Variants in YDJC observed in about 807,000 individuals in gnomAD.
The protein encoded by YDJC is YdjC chitooligosaccharide deacetylase homolog, also known as carbohydrate deacetylase.
YDJC carries 23 observed loss-of-function variants against 18.9 expected under a neutral mutation model. That is an observed-to-expected ratio of 1.22 (90% CI 0.87 to 1.72). The LOEUF (loss-of-function observed/expected upper bound fraction) is 1.72. Ranked by LOEUF, YDJC falls within the 40% of genes most tolerant of loss-of-function variation. The pLI, the probability that YDJC is intolerant of heterozygous loss-of-function variation, is 0.00. For missense variants in YDJC, 467 were observed against 470.8 expected (o/e 0.99, Z 0.07); for synonymous variants, 224 against 217.6 (o/e 1.03, Z -0.26).
chr22:21,628,717 G>A lies in YDJC; in HGVS notation c.673C>T (p.Leu225=), dbSNP rs1165048909. 4 of 1,535,442 alleles carry A rather than the reference G, an allele frequency of 2.6e-6. No individual in the cohort carries two copies. The highest frequency in any genetic ancestry group is 3.5e-6 in the Non-Finnish European group (4 of 1,142,258). The change falls in exon 5 of 5, where the codon CTG becomes TTG. Residue 225 remains leucine, a synonymous_variant. Transcript: ENST00000292778. ...HMSAHRVSGA[L]ARVLEGTLAG... ...AGGGTACCTTCCAGGACCCGCGCCA[G>A]GGCCCCGGACACGCGGTGAGCGGAC...
Position 21,628,572 on chromosome 22 carries a change from T to C in YDJC, c.818A>G (p.Glu273Gly), listed in dbSNP as rs1268921821. The C allele has an allele frequency of 6.2e-7, 1 of 1,609,160 alleles. No homozygotes were observed. Among genetic ancestry groups the C allele is most frequent in the East Asian group, 2.2e-5 (1 of 44,770 alleles). ...CGTGGGCGCGGTGAGGACGCGCAGC[T>C]CATGCAGCCGCTCCCAAGAGCAAGA... ...AFSCSWERLH[E>G]LRVLTAPTLR... Residue 273 changes from glutamate (E) to glycine (G), a missense_variant, in exon 5 of 5, where the codon GAG (glutamate) becomes GGG (glycine). Coordinates refer to ENST00000292778, the MANE Select transcript of YDJC (RefSeq NM_001017964.2).
In YDJC at chr22:21,630,019, G is replaced by A. The variant is rs772585123; in HGVS notation, c.-5C>T. ...GCGCATGCGAGGGCGGGACATGGCC[G>A]CCTGGGTCCACCGCTCGCGCTCCCA... On this transcript the variant is annotated 5_prime_UTR_variant, in exon 1 of 5. Coordinates refer to ENST00000292778, the MANE Select transcript of YDJC (RefSeq NM_001017964.2). 2 of 1,590,028 alleles carry A rather than the reference G, an allele frequency of 1.3e-6. No homozygotes were observed. The highest frequency in any genetic ancestry group is 2.3e-5 in the East Asian group (1 of 43,068).
chr22:21,629,287 C>T, intron 3 of YDJC, 21 bp downstream of exon 3: 2 of 1,550,522 alleles, frequency 1.3e-6, no homozygotes, highest in Middle Eastern at 1.7e-4. Context: ...GCCCTCCAAA[C>T]TGGGATCACT....
chr22:21,629,239 G>T (rs1662103856), intron 3 of YDJC, 52 bp from the exon 4 acceptor site: 1 of 1,549,416 alleles, frequency 6.5e-7, no homozygotes, highest in Non-Finnish European at 8.7e-7. Flanking sequence ...TGGGGGCATC[G>T]AACTTCCCCT....
rs1930327674 is a variant in YDJC, at chr22:21,628,496, G to A, written c.894C>T (p.Asp298=). ...QDGVQLCALD[D]LDSKRPGEEV... ...CCTCCCCTGGCCTCTTGGAGTCCAGGTCGTCGAGGGCGCAAAGCTGCACGC... is the reference window on the plus strand; with the variant it reads ...CCTCCCCTGGCCTCTTGGAGTCCAGATCGTCGAGGGCGCAAAGCTGCACGC... Residue 298 remains aspartate, a synonymous_variant, in exon 5 of 5, where the codon GAC becomes GAT. Coordinates refer to ENST00000292778, the MANE Select transcript of YDJC (RefSeq NM_001017964.2). The A allele has an allele frequency of 6.2e-7, 1 of 1,611,168 alleles. No homozygotes were observed. Among genetic ancestry groups the A allele is most frequent in the Non-Finnish European group, 8.5e-7 (1 of 1,178,164 alleles).
intron 4 of YDJC, 54 bp from the exon 5 acceptor site, chr22:21,628,841 T>C: frequency 7.0e-7 from 1 of 1,423,746 alleles, no homozygotes; most frequent in Non-Finnish European, 9.2e-7. Context: ...GGCCAAGGGC[T>C]AGGTAGGCTA....
chr22:21,629,551 C>A (rs1165134941), intron 2 of YDJC, 51 bp downstream of exon 2: 5 of 1,610,790 alleles, frequency 3.1e-6, no homozygotes, highest in South Asian at 1.1e-5. Flanking sequence ...ACCCTCCGGG[C>A]GGAGCTCTGG....
Position 21,629,182 on chromosome 22 carries a change from A to G in YDJC, c.430T>C (p.Cys144Arg). Residue 144 changes from cysteine (C) to arginine (R), a missense_variant, in exon 4 of 5, where the codon TGC becomes CGC. Cys to Arg is a radical substitution (Grantham distance 180, BLOSUM62 -3). Transcript: ENST00000292778. ...TGCAGCGCCTCGGCGAACACCTGGC[A>G]CACGCCTGCGGGCGGAGCGGGTCAG... is the stretch of plus-strand genomic sequence containing the variant. ...HQHVHVLPGV[C>R]QVFAEALQAY... 6.5e-7 allele frequency: 1 copy of G among 1,543,452 alleles called. No homozygotes were observed. The highest frequency in any genetic ancestry group is 8.7e-7 in the Non-Finnish European group (1 of 1,145,936).
In YDJC at chr22:21,628,259, A is replaced by G; in HGVS notation, c.*159T>C. The G allele has an allele frequency of 9.6e-7, 1 of 1,039,982 alleles. No individual in the cohort carries two copies. The highest frequency in any genetic ancestry group is 2.6e-5 in the South Asian group (1 of 38,110). 64.4% of individuals were successfully genotyped at this position (1,039,982 alleles called of 1,614,324 possible). The stretch of plus-strand genomic sequence containing the variant: ...GAAGGCTGCTCAAACTCTAGATGCC[A>G]TTTGGAGGCATGAGGACCTGAGCCC... On this transcript the variant is annotated 3_prime_UTR_variant, in exon 5 of 5. Coordinates refer to ENST00000292778, the MANE Select transcript of YDJC (RefSeq NM_001017964.2).
chr22:21,628,437 A>T lies in YDJC; in HGVS notation c.953T>A (p.Leu318Gln), dbSNP rs143193655. Residue 318 changes from leucine to glutamine, a missense_variant, in exon 5 of 5, where the codon CTG (leucine) becomes CAG (glutamine). Transcript: ENST00000292778. ...AGGGGGTCAGAGTAGGGAGGGTTCC[A>T]GGAAGGGTTCCAGAGTGGGCTCACA... ...VPCEPTLEPF[L>Q]EPSLL 149 of 1,561,286 alleles carry T rather than the reference A, an allele frequency of 9.5e-5. No homozygotes were observed. Among genetic ancestry groups the T allele is most frequent in the Admixed American group, 7.2e-4 (39 of 54,070 alleles).
Position 21,629,024 on chromosome 22 carries a change from G to A in YDJC, c.588C>T (p.Ser196=), listed in dbSNP as rs185159600. ...GGGAGCCTCACCGCAGGCCGTGGCG[G>A]GAGAAGGGGCCCACGGCGGCCCGGG... ...RDARAAVGPF[S]RHGLRWTDAF... Residue 196 remains serine (S), a synonymous_variant, in exon 4 of 5, where the codon TCC becomes TCT. Coordinates refer to ENST00000292778, the MANE Select transcript of YDJC (RefSeq NM_001017964.2). 1.8e-4 allele frequency: 262 copies of A among 1,478,042 alleles called. 2 individuals are homozygous for A. The East Asian group carries it at 4.2e-3, about 23-fold the overall frequency. The allele number at this position is 1,478,042 out of a possible 1,614,324, so 91.6% of individuals were successfully genotyped here.
In YDJC at chr22:21,629,320, G is replaced by C; in HGVS notation, c.412C>G (p.His138Asp). Residue 138 changes from histidine (H) to aspartate (D), a missense_variant, in exon 3 of 5, where the codon CAC (histidine) becomes GAC (aspartate). His to Asp is a moderately conservative substitution (Grantham distance 81). Coordinates refer to ENST00000292778, the MANE Select transcript of YDJC (RefSeq NM_001017964.2). Reference sequence around the variant, plus strand: ...ACTAACCACGCACCTGGGAGCACGTGCACGTGCTGGTGCCCGTCCGCGTGC... The same window carrying C: ...ACTAACCACGCACCTGGGAGCACGTCCACGTGCTGGTGCCCGTCCGCGTGC... The part of the protein sequence containing the change: ...PTHADGHQHV[H>D]VLPGVCQVFA... 1.3e-6 allele frequency: 2 copies of C among 1,550,492 alleles called. No individual in the cohort carries two copies. Among genetic ancestry groups the C allele is most frequent in the Non-Finnish European group, 1.7e-6 (2 of 1,146,896 alleles).
rs1355062984 is a variant in YDJC at position 21,628,764 on chromosome 22, A to C, written c.626T>G (p.Leu209Arg). The C allele has an allele frequency of 2.0e-6, 3 of 1,491,518 alleles. No homozygotes were observed. The South Asian group carries it at 3.8e-5, about 19-fold the overall frequency. 92.4% of individuals were successfully genotyped at this position (1,491,518 alleles called of 1,614,324 possible). Residue 209 changes from leucine (L) to arginine (R), a missense_variant, in exon 5 of 5, where the codon CTG becomes CGG. Leu to Arg is a moderately radical substitution (Grantham distance 102). Coordinates refer to ENST00000292778, the MANE Select transcript of YDJC (RefSeq NM_001017964.2). ...GGACATGTGCCGGCCGCAAGTGCTC[A>C]GGCCCACGAAGGCGTCTGTCCACCT... ...GLRWTDAFVG[L>R]STCGRHMSAH...
chr22:21,629,737 G>T lies in YDJC; in HGVS notation c.189C>A (p.His63Gln). 6.5e-7 allele frequency: 1 copy of T among 1,537,436 alleles called. No individual in the cohort carries two copies. The highest frequency in any genetic ancestry group is 1.2e-5 in the South Asian group (1 of 83,676). The change falls in exon 2 of 5, where the codon CAC (histidine) becomes CAA (glutamine). Residue 63 changes from histidine to glutamine, a missense_variant. Physicochemically the swap from His to Gln is conservative, Grantham distance 24. Coordinates refer to ENST00000292778, the MANE Select transcript of YDJC (RefSeq NM_001017964.2). ...CGGGGCGGCCCTCGGACAGGTTGGCGTGGAGGCCCGTGGGGATGCTGTGCC... is the reference window on the plus strand; with the variant it reads ...CGGGGCGGCCCTCGGACAGGTTGGCTTGGAGGCCCGTGGGGATGCTGTGCC... ...ARRHSIPTGLHANLSEGRPVG... is the reference protein window; with the variant it reads ...ARRHSIPTGLQANLSEGRPVG...
Position 21,629,203 on chromosome 22 carries a change from G to T in YDJC, c.425-16C>A, listed in dbSNP as rs767480680. ...TGGCACACGCCTGCGGGCGGAGCGGGTCAGGGAGGAGCACGTCCTTTCACC... is the reference window on the plus strand; with the variant it reads ...TGGCACACGCCTGCGGGCGGAGCGGTTCAGGGAGGAGCACGTCCTTTCACC... On this transcript the variant is annotated splice_polypyrimidine_tract_variant and intron_variant, in intron 3 of 4. Transcript: ENST00000292778. The T allele has an allele frequency of 6.5e-7, 1 of 1,546,194 alleles. No individual in the cohort carries two copies. The highest frequency in any genetic ancestry group is 1.2e-5 in the South Asian group (1 of 83,922).
At position 21,630,019 on chromosome 22, in the gene YDJC, G is replaced by T; in HGVS notation, c.-5C>A. The T allele has an allele frequency of 1.3e-6, 2 of 1,590,144 alleles. No individual in the cohort carries two copies. Among genetic ancestry groups the T allele is most frequent in the South Asian group, 1.1e-5 (1 of 88,972 alleles). On this transcript the variant is annotated 5_prime_UTR_variant, in exon 1 of 5. Coordinates refer to ENST00000292778, the MANE Select transcript of YDJC (RefSeq NM_001017964.2). ...GCGCATGCGAGGGCGGGACATGGCC[G>T]CCTGGGTCCACCGCTCGCGCTCCCA...
chr22:21,629,713 G>C lies in YDJC; in HGVS notation c.213C>G (p.Pro71=), dbSNP rs759113541. Residue 71 remains proline, a synonymous_variant, in exon 2 of 5, where the codon CCC becomes CCG. Coordinates refer to ENST00000292778, the MANE Select transcript of YDJC (RefSeq NM_001017964.2). ...GLHANLSEGR[P]VGPARRGASS... ...AGGCGCCACGGCGGGCCGGACCCAC[G>C]GGGCGGCCCTCGGACAGGTTGGCGT... 14 of 1,582,900 alleles carry C rather than the reference G, an allele frequency of 8.8e-6. No individual in the cohort carries two copies. Among genetic ancestry groups the C allele is most frequent in the Admixed American group, 1.8e-5 (1 of 55,736 alleles).
chr22:21,629,670 C>A lies in YDJC; in HGVS notation c.256G>T (p.Glu86Ter). ...CCCATCTTGCCAAGGAAGAAGCCTT[C>A]CGGGCCGAGCAGCGATGAGGCGCCA... The part of the protein sequence containing the change: ...RRGASSLLGP[E>*]GFFLGKMGFR... The change falls in exon 2 of 5, where the codon GAA becomes TAA. Residue 86 changes from glutamate (E) to a stop codon, truncating the protein, a stop_gained. Transcript: ENST00000292778. LOFTEE classifies it high-confidence loss of function. 6 of 1,611,214 alleles carry A rather than the reference C, an allele frequency of 3.7e-6. No individual in the cohort carries two copies. Among genetic ancestry groups the A allele is most frequent in the Non-Finnish European group, 3.4e-6 (4 of 1,179,474 alleles).
rs1164163933 is a variant in YDJC at position 21,629,904 on chromosome 22, C to T, written c.111G>A (p.Val37=). The T allele has an allele frequency of 4.4e-6, 7 of 1,597,020 alleles. No individual in the cohort carries two copies. The highest frequency in any genetic ancestry group is 6.0e-6 in the Non-Finnish European group (7 of 1,175,776). The change falls in exon 1 of 5, where the codon GTG becomes GTA. Residue 37 remains valine (V), a synonymous_variant. Transcript: ENST00000292778. ...EAFLAGAVTS[V]SLLVNGAATE... ...TGGCCGCACCGTTGACCAGCAGGGACACGCTGGTCACAGCCCCGGCCAGAA... is the reference window on the plus strand; with the variant it reads ...TGGCCGCACCGTTGACCAGCAGGGATACGCTGGTCACAGCCCCGGCCAGAA...
Sources: gnomAD v4.1 joint callset for allele counts on GRCh38, gnomAD v4.1.1 for gene constraint, MANE v1.5 for transcripts, NCBI Gene and HGNC (gene_info 2026-07-23, HGNC 2026-07-21) for gene names.